The following RNF220 variants were observed in gnomAD, a reference collection of about 807,000 sequenced individuals.
RNF220 encodes E3 ubiquitin-protein ligase RNF220.
RNF220 carries 7 observed loss-of-function variants against 67.1 expected under a neutral mutation model. The ratio of observed to expected loss-of-function variants is 0.10; its 90% CI spans 0.06 to 0.20. The LOEUF is 0.20. Ranked by LOEUF, RNF220 falls within the 10% of genes least tolerant of loss-of-function variation. The pLI is 1.00. For missense variants in RNF220, 565 were observed against 740.3 expected (o/e 0.76, Z 2.75); for synonymous variants, 270 against 283.2 (o/e 0.95, Z 0.47).
At chr1:44,525,434 C>A (rs1227396012) in intron 2 of RNF220, among the ~76,000 whole-genome samples, 1 of 152,206 alleles carries the variant, frequency 6.6e-6, no homozygotes, top group Non-Finnish European at 1.5e-5. Context: ...ATGAACCAAC[C>A]AACAAACACA....
chr1:44,566,655 T>C (rs1664044316), intron 2 of RNF220, among the ~76,000 whole-genome samples: 1 of 128,104 alleles, frequency 7.8e-6, no homozygotes, highest in Non-Finnish European at 1.9e-5. Context: ...GGAGAAACCC[T>C]AGGGCCAGCT....
At chr1:44,447,912 C>A (rs1346102310) in intron 2 of RNF220, among the ~76,000 whole-genome samples, 2 of 152,214 alleles carry the variant, frequency 1.3e-5, no homozygotes, top group Non-Finnish European at 2.9e-5. Context: ...ACTGTACACT[C>A]CTGGTAACAG....
chr1:44,542,851 A>C (rs1029347298), intron 2 of RNF220, among the ~76,000 whole-genome samples: 4 of 152,192 alleles, frequency 2.6e-5, no homozygotes, highest in African/African-American at 9.6e-5. Context: ...GGAGGAAGGC[A>C]GTGCTGGAGA....
chr1:44,411,357 T>C (rs780348001), intron 1 of RNF220, among the ~76,000 whole-genome samples: 1 of 152,198 alleles, frequency 6.6e-6, no homozygotes, highest in Non-Finnish European at 1.5e-5. Flanking sequence ...TATAGCACTT[T>C]TTTCTGGAAA....
intron 1 of RNF220, among the ~76,000 whole-genome samples, chr1:44,409,784 G>T (rs1282694258): frequency 4.6e-5 from 7 of 152,080 alleles, no homozygotes. Flanking sequence ...ATGACATTTT[G>T]ACATTGGGAG....
At chr1:44,648,285 G>A (rs1644702811) in intron 12 of RNF220, 1 of 152,174 alleles carries the variant, frequency 6.6e-6, no homozygotes, top group African/African-American at 2.4e-5. Context: ...ATAAAATGGA[G>A]ATATTAGAAT....
At chr1:44,572,419 C>T (rs1024847653) in intron 2 of RNF220, among the ~76,000 whole-genome samples, 7 of 152,212 alleles carry the variant, frequency 4.6e-5, no homozygotes, top group African/African-American at 9.6e-5. Context: ...GATGGCACCC[C>T]GCCACTGCTC....
chr1:44,542,244 A>G (rs771469956), intron 2 of RNF220, among the ~76,000 whole-genome samples: 25 of 152,354 alleles, frequency 1.6e-4, no homozygotes, highest in Non-Finnish European at 3.5e-4. Flanking sequence ...TGTCAATCAG[A>G]CAGTGAACAA....
intron 2 of RNF220, among the ~76,000 whole-genome samples, chr1:44,504,860 A>G (rs998685386): frequency 3.9e-5 from 6 of 151,930 alleles, no homozygotes; most frequent in African/African-American, 9.7e-5. Flanking sequence ...CCCTCTCCCA[A>G]TGTTCCCTTT....
intron 2 of RNF220, chr1:44,572,988 T>G (rs750609514): frequency 4.8e-6 from 2 of 414,558 alleles, no homozygotes; most frequent in South Asian, 3.5e-5. Context: ...AGAGAAGTTC[T>G]CGAGGCCCTC....
chr1:44,551,258 G>C (rs1450056872), intron 2 of RNF220, among the ~76,000 whole-genome samples: 1 of 151,600 alleles, frequency 6.6e-6, no homozygotes, highest in African/African-American at 2.4e-5. Flanking sequence ...GGGATTACAG[G>C]CACGGGCCAC....
chr1:44,436,905 A>G (rs1047940256), intron 2 of RNF220, among the ~76,000 whole-genome samples: 2 of 152,212 alleles, frequency 1.3e-5, no homozygotes, highest in Admixed American at 1.3e-4. Flanking sequence ...TGAAGTTCAC[A>G]CAGAAGTGCC....
intron 2 of RNF220, among the ~76,000 whole-genome samples, chr1:44,532,035 A>G (rs1012575743): frequency 6.6e-6 from 1 of 152,048 alleles, no homozygotes; most frequent in African/African-American, 2.4e-5. Context: ...TTATCCCTCT[A>G]AAGTCAGTGC....
chr1:44,547,347 A>T (rs527495543), intron 2 of RNF220, among the ~76,000 whole-genome samples: 1 of 152,154 alleles, frequency 6.6e-6, no homozygotes, highest in East Asian at 1.9e-4. Context: ...CACAGTCCTT[A>T]CCTCTTTGGT....
intron 2 of RNF220, among the ~76,000 whole-genome samples, chr1:44,603,256 G>A (rs1254820594): frequency 1.3e-5 from 2 of 152,246 alleles, no homozygotes; most frequent in Non-Finnish European, 2.9e-5. Flanking sequence ...CCGGTCCGCT[G>A]TTTACTGTCT....
chr1:44,438,620 C>T (rs1461414890), intron 2 of RNF220, among the ~76,000 whole-genome samples: 1 of 152,190 alleles, frequency 6.6e-6, no homozygotes, highest in Admixed American at 6.5e-5. Flanking sequence ...CTACATCAGC[C>T]AGGGAACCTA....
intron 2 of RNF220, among the ~76,000 whole-genome samples, chr1:44,491,981 A>G (rs531095037): frequency 6.6e-6 from 1 of 152,202 alleles, no homozygotes; most frequent in East Asian, 1.9e-4. Context: ...CACTCTTACC[A>G]TTTGTATTCA....
In RNF220 at chr1:44,580,084, G is replaced by T. The variant is rs373041893; in HGVS notation, c.626-34081G>T. ...AAAGAAAAGAAAGAAAGAAAGAAAA[G>T]AAAAGAAAAAGAAAGAAAGAAAGAA... is the stretch of plus-strand genomic sequence containing the variant. On this transcript the variant is annotated intron_variant, in intron 2 of 14. Transcript: ENST00000361799. 1.7e-4 allele frequency among the ~76,000 whole-genome samples: 19 copies of T among 111,618 alleles called. No homozygotes were observed. The East Asian group carries it at 4.6e-3, about 27-fold the overall frequency. 73.2% of individuals were successfully genotyped at this position (111,618 alleles called of 152,430 possible).
intron 2 of RNF220, among the ~76,000 whole-genome samples, chr1:44,527,106 T>C (rs1660438204): frequency 6.6e-6 from 1 of 151,982 alleles, no homozygotes; most frequent in Non-Finnish European, 1.5e-5. Context: ...CACTGATGAA[T>C]ACCATGGCTG....
Sources: allele counts gnomAD v4.1 joint callset (sites outside exome capture counted in the v4.1 genomes callset), GRCh38; gene constraint gnomAD v4.1.1; transcripts MANE v1.5; gene names NCBI Gene and HGNC (gene_info 2026-07-23, HGNC 2026-07-21).